DSCAML1: variants seen among roughly 807,000 people sequenced by gnomAD.
The protein encoded by DSCAML1 is cell adhesion molecule DSCAML1.
DSCAML1 carries 38 observed loss-of-function variants against 200.5 expected under a neutral mutation model. That is an observed-to-expected ratio of 0.19 (90% CI 0.15 to 0.25). DSCAML1 has a LOEUF of 0.25. DSCAML1 is among the 10% of genes least tolerant of loss of function. The pLI, the probability that DSCAML1 is intolerant of heterozygous loss-of-function variation, is 1.00. For synonymous variants in DSCAML1, 1,215 were observed against 1,165.0 expected, an observed-to-expected ratio of 1.04 and a Z score of -0.87; for missense variants, 2,223 against 2,858.8, an observed-to-expected ratio of 0.78 and a Z score of 5.07.
intron 3 of DSCAML1, among the ~76,000 whole-genome samples, chr11:117,703,654 T>C (rs763489141): frequency 5.3e-5 from 8 of 152,210 alleles, no homozygotes; most frequent in Non-Finnish European, 8.8e-5. Flanking sequence ...CTTCACTTAG[T>C]CCTGCTCACT....
In DSCAML1 at chr11:117,438,903, C is replaced by A. The variant is rs2047978924; in HGVS notation, c.4225G>T (p.Gly1409Trp). The A allele has an allele frequency of 6.2e-7, 1 of 1,604,306 alleles. No individual in the cohort carries two copies. Among genetic ancestry groups the A allele is most frequent in the Non-Finnish European group, 8.5e-7 (1 of 1,176,496 alleles). The part of the protein sequence containing the change: ...ITLTWIPGDN[G>W]GSSIRGFVLQ... ...TCCTCACCTCGGATGGAGCTGCCCC[C>A]ATTGTCACCTGGAATCCAGGTCAGG... The change falls in exon 24 of 33, where the codon GGG becomes TGG. Residue 1409 changes from glycine to tryptophan, a missense_variant. Gly to Trp is a radical substitution (Grantham distance 184). Transcript: ENST00000651296.
intron 3 of DSCAML1, among the ~76,000 whole-genome samples, chr11:117,685,601 A>G (rs2053389842): frequency 6.6e-6 from 1 of 152,174 alleles, no homozygotes; most frequent in East Asian, 1.9e-4. Context: ...CAAATATTCC[A>G]GAAGAACTCA....
At position 117,480,692 on chromosome 11, in the gene DSCAML1, G is replaced by GCC; in HGVS notation, c.2657-122_2657-121insGG. ...CAAGGACTCTGGCACCCTAGGGTTT[G>GCC]AGCAGGGTGGGGGCTGGAGGAGGCC... On this transcript the variant is annotated intron_variant, in intron 13 of 32. Coordinates refer to ENST00000651296, the MANE Select transcript of DSCAML1 (RefSeq NM_020693.4). The surrounding 1 kb of genome is among the most constrained non-coding windows in gnomAD (Gnocchi z 4.1). 1 of 1,156,468 alleles carries GCC rather than the reference G, an allele frequency of 8.6e-7. No individual in the cohort carries two copies. The highest frequency in any genetic ancestry group is 1.2e-6 in the Non-Finnish European group (1 of 818,608). 71.6% of individuals were successfully genotyped at this position (1,156,468 alleles called of 1,614,324 possible).
At chr11:117,771,675 A>G (rs1450869791) in intron 3 of DSCAML1, among the ~76,000 whole-genome samples, 1 of 152,200 alleles carries the variant, frequency 6.6e-6, no homozygotes, top group African/African-American at 2.4e-5. Context: ...TCCGGGCCAC[A>G]TCTCTTATTA....
chr11:117,492,685 C>T (rs942897947), intron 11 of DSCAML1, among the ~76,000 whole-genome samples: 5 of 152,154 alleles, frequency 3.3e-5, no homozygotes, highest in Non-Finnish European at 5.9e-5. Context: ...TGAGATAAGC[C>T]GCCACAAAGG....
intron 3 of DSCAML1, 142 bp downstream of exon 3, chr11:117,776,649 T>A (rs13377544): frequency 0.082 from 82,380 of 1,002,046 alleles, 5,705 homozygotes; most frequent in African/African-American, 0.32. Context: ...TGGCCAAAGC[T>A]TCACCAGAAC....
intron 3 of DSCAML1, among the ~76,000 whole-genome samples, chr11:117,662,295 C>T (rs535927638): frequency 3.9e-5 from 6 of 152,302 alleles, no homozygotes; most frequent in South Asian, 2.1e-4. Context: ...TCTAGGCAAA[C>T]GCTCCCTTTC....
At chr11:117,625,066 G>A (rs535051410) in intron 3 of DSCAML1, among the ~76,000 whole-genome samples, 39 of 152,178 alleles carry the variant, frequency 2.6e-4, no homozygotes, top group Non-Finnish European at 4.1e-4. Flanking sequence ...TGATTCCAAC[G>A]TGTGGTCAGG....
chr11:117,696,208 G>A (rs2053585566), intron 3 of DSCAML1, among the ~76,000 whole-genome samples: 4 of 152,174 alleles, frequency 2.6e-5, no homozygotes, highest in Admixed American at 2.6e-4. Context: ...CAGCTGCCTC[G>A]AGTTTTCAAA....
intron 3 of DSCAML1, among the ~76,000 whole-genome samples, chr11:117,582,118 C>T (rs141692931): frequency 6.6e-6 from 1 of 152,284 alleles, no homozygotes; most frequent in African/African-American, 2.4e-5. Flanking sequence ...ATCTGGGACT[C>T]GCAGAAAAGA....
intron 1 of DSCAML1, among the ~76,000 whole-genome samples, chr11:117,809,435 G>T (rs151224970): frequency 6.6e-6 from 1 of 152,232 alleles, no homozygotes; most frequent in African/African-American, 2.4e-5. Context: ...GCGGTCCTCC[G>T]CGGAAGGAAG....
chr11:117,730,351 A>G (rs2054199109), intron 3 of DSCAML1, among the ~76,000 whole-genome samples: 1 of 152,198 alleles, frequency 6.6e-6, no homozygotes, highest in African/African-American at 2.4e-5. Context: ...GGAAAAGGCA[A>G]AGAAACAGAA....
intron 8 of DSCAML1, among the ~76,000 whole-genome samples, chr11:117,512,284 C>T (rs915521785): frequency 6.6e-6 from 1 of 152,176 alleles, no homozygotes; most frequent in Non-Finnish European, 1.5e-5. Context: ...AGGCCCACAC[C>T]CTTCTCCCCC....
chr11:117,790,367 C>G (rs1565287064), intron 1 of DSCAML1, among the ~76,000 whole-genome samples: 1 of 152,212 alleles, frequency 6.6e-6, no homozygotes, highest in African/African-American at 2.4e-5. Flanking sequence ...ACTGGGGCCT[C>G]AAGGGATCTG....
chr11:117,735,054 T>C (rs1349136114), intron 3 of DSCAML1, among the ~76,000 whole-genome samples: 1 of 152,158 alleles, frequency 6.6e-6, no homozygotes, highest in Non-Finnish European at 1.5e-5. Context: ...CCTTGCTTAC[T>C]CCACACAGCC....
intron 19 of DSCAML1, among the ~76,000 whole-genome samples, chr11:117,457,139 C>CA (rs140368227): frequency 0.026 from 3,935 of 152,306 alleles, 187 homozygotes; most frequent in African/African-American, 0.09. Context: ...CCATGAATGC[C>CA]AGGCTGGGGG....
At chr11:117,513,336 C>A (rs979625260) in intron 8 of DSCAML1, among the ~76,000 whole-genome samples, 1 of 152,166 alleles carries the variant, frequency 6.6e-6, no homozygotes, top group African/African-American at 2.4e-5. Context: ...CCACATGGCT[C>A]CCTCGCAACA....
chr11:117,803,710 C>T (rs983569053), intron 1 of DSCAML1, among the ~76,000 whole-genome samples: 3 of 152,142 alleles, frequency 2.0e-5, no homozygotes, highest in Admixed American at 6.5e-5. Flanking sequence ...CAGGGCTCCC[C>T]GCTTGCCTCA....
intron 3 of DSCAML1, among the ~76,000 whole-genome samples, chr11:117,731,808 G>A (rs2054225266): frequency 6.6e-6 from 1 of 152,194 alleles, no homozygotes; most frequent in Non-Finnish European, 1.5e-5. Flanking sequence ...CATAGCAGGT[G>A]CTCAATAAAT....
Sources: allele counts gnomAD v4.1 joint callset (sites outside exome capture counted in the v4.1 genomes callset), GRCh38; gene constraint gnomAD v4.1.1; non-coding constraint Gnocchi (gnomAD v3.1); transcripts MANE v1.5; gene names NCBI Gene and HGNC (gene_info 2026-07-23, HGNC 2026-07-21).